CAGE1: variants seen among roughly 807,000 people sequenced by gnomAD.
The protein encoded by CAGE1 is cancer-associated gene 1 protein.
CAGE1 carries 66 observed loss-of-function variants against 94.9 expected under a neutral mutation model. The ratio of observed to expected loss-of-function variants is 0.70; its 90% CI spans 0.57 to 0.85. The LOEUF is 0.85. Ranked by LOEUF, CAGE1 falls within the 40% of genes least tolerant of loss-of-function variation. The pLI, the probability that CAGE1 is intolerant of heterozygous loss-of-function variation, is 0.00. For synonymous variants in CAGE1, 319 were observed against 321.0 expected, an observed-to-expected ratio of 0.99 and a Z score of 0.07; for missense variants, 865 against 950.4, an observed-to-expected ratio of 0.91 and a Z score of 1.18.
intron 11 of CAGE1, among the ~76,000 whole-genome samples, chr6:7,342,457 T>C (rs932916880): frequency 2.0e-5 from 3 of 152,222 alleles, no homozygotes; most frequent in Non-Finnish European, 4.4e-5. Context: ...TCTGAGGACC[T>C]GGCCTCTCAT....
intron 11 of CAGE1, among the ~76,000 whole-genome samples, chr6:7,350,115 T>C (rs186605992): frequency 6.6e-6 from 1 of 152,260 alleles, no homozygotes; most frequent in East Asian, 1.9e-4. Context: ...GCTATTCTTA[T>C]ATCAGACAAA....
At chr6:7,384,020 C>T (rs367791613) in intron 3 of CAGE1, among the ~76,000 whole-genome samples, 236 of 152,278 alleles carry the variant, frequency 1.5e-3, no homozygotes, top group Middle Eastern at 0.014. Context: ...AATAGCTCAT[C>T]TGTAGGTGCT....
At chr6:7,385,065 G>A (rs144116518) in intron 3 of CAGE1, among the ~76,000 whole-genome samples, 154 of 152,128 alleles carry the variant, frequency 1.0e-3, no homozygotes, top group Non-Finnish European at 1.1e-3. Flanking sequence ...GAGCGCAATG[G>A]TGCAATCTCG....
Position 7,373,864 on chromosome 6 carries a change from G to A in CAGE1, c.955C>T (p.Gln319Ter). Residue 319 changes from glutamine to a stop codon, truncating the protein, a stop_gained, in exon 5 of 14, where the codon CAG (glutamine) becomes TAG (stop). Coordinates refer to ENST00000502583, the MANE Select transcript of CAGE1 (RefSeq NM_001170692.2). LOFTEE classifies it high-confidence loss of function. ...TGGAGTTCTTGGATTCGCACTTCCT[G>A]CTTTCTGTTAGTATGTTTTAATTTC... is the stretch of plus-strand genomic sequence containing the variant. Reference protein sequence around the residue: ...LQKLKHTNRKQEVRIQELQCS... With the variant: ...LQKLKHTNRK The A allele has an allele frequency of 6.2e-7, 1 of 1,613,896 alleles. No homozygotes were observed. The highest frequency in any genetic ancestry group is 8.5e-7 in the Non-Finnish European group (1 of 1,179,852).
intron 11 of CAGE1, among the ~76,000 whole-genome samples, chr6:7,345,235 A>C (rs1056675392): frequency 1.3e-5 from 2 of 148,798 alleles, no homozygotes; most frequent in Admixed American, 6.6e-5. Context: ...CCAGCCTACC[A>C]AGAAGAAGGA....
At chr6:7,365,255 T>C (rs747031552) in intron 9 of CAGE1, among the ~76,000 whole-genome samples, 2 of 152,196 alleles carry the variant, frequency 1.3e-5, no homozygotes, top group Non-Finnish European at 2.9e-5. Context: ...TGATTAATCT[T>C]AACAGAAACG....
chr6:7,386,650 G>A (rs978560302), intron 2 of CAGE1, among the ~76,000 whole-genome samples: 27 of 152,174 alleles, frequency 1.8e-4, no homozygotes, highest in African/African-American at 6.0e-4. Flanking sequence ...GCAGTGGCGC[G>A]ATCTTGGCTC....
At chr6:7,331,341 C>A in intron 12 of CAGE1, 1 of 1,068,152 alleles carries the variant, frequency 9.4e-7, no homozygotes, top group South Asian at 1.6e-5. Flanking sequence ...ACCCGTAAGT[C>A]TGGACAAGGC....
chr6:7,346,275 G>T (rs1462513515), intron 11 of CAGE1, among the ~76,000 whole-genome samples: 1 of 152,106 alleles, frequency 6.6e-6, no homozygotes, highest in Non-Finnish European at 1.5e-5. Context: ...GTAAATCAGG[G>T]CGGGTGCAGT....
chr6:7,363,049 G>A (rs780377326), intron 9 of CAGE1, among the ~76,000 whole-genome samples: 1 of 152,232 alleles, frequency 6.6e-6, no homozygotes, highest in East Asian at 1.9e-4. Context: ...CAGGTGGATC[G>A]CCTGAGCTCA....
intron 9 of CAGE1, among the ~76,000 whole-genome samples, chr6:7,358,067 T>TATATATAC (rs1760040149): frequency 8.8e-6 from 1 of 113,158 alleles, no homozygotes; most frequent in African/African-American, 3.4e-5. Context: ...TATATATATA[T>TATATATAC]ATATGCCTCC....
chr6:7,340,604 C>T (rs1759127101), intron 11 of CAGE1, among the ~76,000 whole-genome samples: 1 of 152,102 alleles, frequency 6.6e-6, no homozygotes, highest in Non-Finnish European at 1.5e-5. Context: ...TAAAAAGATG[C>T]AAAGCTTCCA....
chr6:7,340,929 C>T (rs947261912), intron 11 of CAGE1: 35 of 413,494 alleles, frequency 8.5e-5, no homozygotes, highest in African/African-American at 5.4e-4. Flanking sequence ...GAGGTGGAAC[C>T]GGCCTGGCTC....
chr6:7,357,802 T>G (rs1255883252), intron 9 of CAGE1, among the ~76,000 whole-genome samples: 6 of 151,462 alleles, frequency 4.0e-5, no homozygotes, highest in Non-Finnish European at 7.4e-5. Flanking sequence ...TTATATTTGT[T>G]TTTGTTTTTG....
chr6:7,344,954 C>T (rs192589526), intron 11 of CAGE1, among the ~76,000 whole-genome samples: 82 of 152,292 alleles, frequency 5.4e-4, no homozygotes, highest in African/African-American at 1.6e-3. Context: ...CACCAATCAG[C>T]GCCCTGTCAA....
chr6:7,368,586 T>C, intron 7 of CAGE1, 102 bp downstream of exon 7: 1 of 595,274 alleles, frequency 1.7e-6, no homozygotes, highest in Non-Finnish European at 2.8e-6. Context: ...CCCAAAATAA[T>C]TTTTAAAATG....
intron 11 of CAGE1, chr6:7,341,137 A>C (rs759548861): frequency 1.8e-6 from 1 of 564,176 alleles, no homozygotes; most frequent in Non-Finnish European, 3.5e-6. Context: ...AGCTTCCCAC[A>C]GCCGGTAGTT....
At chr6:7,357,668 TACA>T (rs1760004032) in intron 9 of CAGE1, among the ~76,000 whole-genome samples, 1 of 152,134 alleles carries the variant, frequency 6.6e-6, no homozygotes, top group South Asian at 2.1e-4. Context: ...TGAAAAGAAA[TACA>T]ACATTTTGAG....
chr6:7,379,002 T>A lies in CAGE1; in HGVS notation c.302A>T (p.Tyr101Phe). The change falls in exon 4 of 14, where the codon TAC becomes TTC. Residue 101 changes from tyrosine to phenylalanine, a missense_variant. Coordinates refer to ENST00000502583, the MANE Select transcript of CAGE1 (RefSeq NM_001170692.2). ...TGGCTGAATTAGTGCATTCGTTGAG[T>A]AATTTTCAATGTTGTTATCTCATAA... is the stretch of plus-strand genomic sequence containing the variant. Reference protein sequence around the residue: ...NLLNDNNIENYSTNALIQPVD... With the variant: ...NLLNDNNIENFSTNALIQPVD... The A allele has an allele frequency of 1.3e-6, 2 of 1,526,940 alleles. No homozygotes were observed. The highest frequency in any genetic ancestry group is 1.8e-6 in the Non-Finnish European group (2 of 1,137,590). The allele number at this position is 1,526,940 out of a possible 1,614,324, so 94.6% of individuals were successfully genotyped here.
Sources: allele counts gnomAD v4.1 joint callset (sites outside exome capture counted in the v4.1 genomes callset), GRCh38; gene constraint gnomAD v4.1.1; transcripts MANE v1.5; gene names NCBI Gene and HGNC (gene_info 2026-07-23, HGNC 2026-07-21).